The following COBLL1 variants were observed in gnomAD, a reference collection of about 807,000 sequenced individuals.
COBLL1 encodes the protein cordon-bleu protein-like 1.
In COBLL1, 50 loss-of-function variants were observed where a neutral mutation model predicts 94.8. The ratio of observed to expected loss-of-function variants is 0.53; its 90% CI spans 0.42 to 0.67. COBLL1 has a LOEUF of 0.67. COBLL1 is among the 30% of genes least tolerant of loss of function. The pLI is 0.00. For synonymous variants in COBLL1, 448 were observed against 473.8 expected (o/e 0.95, Z 0.71); for missense variants, 1,362 against 1,348.7 (o/e 1.01, Z -0.15).
chr2:164,725,134 A>ATATATATATATATATATATATATAT (rs1558956185), intron 5 of COBLL1: 10 of 55,372 alleles, frequency 1.8e-4, no homozygotes, highest in African/African-American at 7.0e-4. Flanking sequence ...ATATATATAT[A>ATATATATATATATATATATATATAT]AAATGAAAGC....
intron 2 of COBLL1, among the ~76,000 whole-genome samples, chr2:164,829,331 C>T (rs778476662): frequency 2.0e-5 from 3 of 152,144 alleles, no homozygotes; most frequent in Non-Finnish European, 2.9e-5. Context: ...TACAGTCCAG[C>T]ATTAACACAG....
At position 164,722,478 on chromosome 2, in the gene COBLL1, C is replaced by A; in HGVS notation, c.706G>T (p.Glu236Ter). 2 of 1,526,276 alleles carry A rather than the reference C, an allele frequency of 1.3e-6. No individual in the cohort carries two copies. The highest frequency in any genetic ancestry group is 2.3e-5 in the East Asian group (1 of 43,762). The allele number at this position is 1,526,276 out of a possible 1,614,324, so 94.5% of individuals were successfully genotyped here. A position where few individuals can be genotyped will look rare whatever the true frequency, so the allele number is the denominator to read the frequency against. ...AAAAAACTGAAAAACCCTTTATTTT[C>A]TTTCTCCTTCATAATATCTAGGTTT... The part of the protein sequence containing the change: ...SQNLDIMKEK[E>*]NKGFFSFFQR... Residue 236 changes from glutamate to a stop codon, truncating the protein, a stop_gained, in exon 6 of 14, where the codon GAA becomes TAA. Transcript: ENST00000652658. LOFTEE classifies it high-confidence loss of function.
chr2:164,789,384 T>G (rs547581565), intron 2 of COBLL1, among the ~76,000 whole-genome samples: 1 of 152,226 alleles, frequency 6.6e-6, no homozygotes, highest in South Asian at 2.1e-4. Flanking sequence ...GTAGTCAGAA[T>G]TTTTGTCATA....
At chr2:164,807,316 G>A (rs368360103) in intron 2 of COBLL1, among the ~76,000 whole-genome samples, 5 of 151,724 alleles carry the variant, frequency 3.3e-5, no homozygotes, top group Middle Eastern at 3.4e-3. Flanking sequence ...AGTCAGGCAC[G>A]GCAGTGGGCT....
Position 164,665,338 on chromosome 2 carries a change from A to AAAAAG in COBLL1, n.181+508_181+509insCTTTT, listed in dbSNP as rs1294217691. Among the ~76,000 whole-genome samples, 65 of 148,062 alleles carry AAAAAG rather than the reference A, an allele frequency of 4.4e-4. No homozygotes were observed. In the East Asian group the frequency reaches 4.4e-3, roughly 10 times the overall value. On this transcript the variant is annotated intron_variant and non_coding_transcript_variant, in intron 2 of 2. Transcript: ENST00000495084. ...AGAGCAAGATTCTGTGTCAAAAAAA[A>AAAAAG]AAAGAAAGAAAGAAAGAAAGAAAGA...
intron 7 of COBLL1, among the ~76,000 whole-genome samples, chr2:164,710,727 C>G (rs1244135426): frequency 6.6e-6 from 1 of 151,960 alleles, no homozygotes; most frequent in Admixed American, 6.6e-5. Flanking sequence ...CCATGCCTGG[C>G]TAATTTTTTG....
At chr2:164,687,318 C>T (rs1683350770) in intron 13 of COBLL1, 1 of 651,156 alleles carries the variant, frequency 1.5e-6, no homozygotes, top group Non-Finnish European at 2.8e-6. Flanking sequence ...GTCCACAGGG[C>T]CACAACTGGG....
rs1683061327 is a variant in COBLL1 at position 164,681,939 on chromosome 2, A to G, written c.*4007T>C. On this transcript the variant is annotated 3_prime_UTR_variant, in exon 14 of 14. Transcript: ENST00000652658. ...TGTATCTATATGAACAGTCTAACAT[A>G]TTAAGGATGGAAATTTGCAGGAAAG... 6.6e-6 allele frequency: 1 copy of G among 152,196 alleles called. No individual in the cohort carries two copies. The highest frequency in any genetic ancestry group is 2.4e-5 in the African/African-American group (1 of 41,446). 9.4% of individuals were successfully genotyped at this position (152,196 alleles called of 1,614,324 possible). A position where few individuals can be genotyped will look rare whatever the true frequency, so the allele number is the denominator to read the frequency against.
chr2:164,754,811 T>C (rs899100360), intron 2 of COBLL1, among the ~76,000 whole-genome samples: 1 of 152,200 alleles, frequency 6.6e-6, no homozygotes, highest in African/African-American at 2.4e-5. Context: ...TTTTGTTCAA[T>C]AATTAGCTAT....
chr2:164,732,087 CA>C (rs1316007360), intron 3 of COBLL1, among the ~76,000 whole-genome samples: 13 of 152,282 alleles, frequency 8.5e-5, no homozygotes, highest in African/African-American at 3.1e-4. Context: ...GTATGTTTCT[CA>C]ACGGTCCCTC....
intron 2 of COBLL1, among the ~76,000 whole-genome samples, chr2:164,781,571 C>T (rs867691577): frequency 6.6e-6 from 1 of 152,132 alleles, no homozygotes. Flanking sequence ...GGATACTTTA[C>T]AAGATACTTC....
intron 2 of COBLL1, among the ~76,000 whole-genome samples, chr2:164,776,567 G>T (rs1688471540): frequency 6.6e-6 from 1 of 150,778 alleles, no homozygotes; most frequent in Admixed American, 6.6e-5. Context: ...ATTTATCACT[G>T]TTTTTTTTTA....
At chr2:164,825,523 T>C (rs1026949954) in intron 2 of COBLL1, among the ~76,000 whole-genome samples, 4 of 152,304 alleles carry the variant, frequency 2.6e-5, no homozygotes, top group East Asian at 3.9e-4. Context: ...ATGGAAATTA[T>C]AGAACAAAAT....
intron 2 of COBLL1, among the ~76,000 whole-genome samples, chr2:164,832,992 G>A (rs1042555409): frequency 6.6e-6 from 1 of 151,954 alleles, no homozygotes; most frequent in African/African-American, 2.4e-5. Context: ...GTGGTGAGCC[G>A]AGATAGCGCC....
chr2:164,708,091 C>G (rs1462058034), intron 7 of COBLL1, among the ~76,000 whole-genome samples: 1 of 152,118 alleles, frequency 6.6e-6, no homozygotes, highest in Non-Finnish European at 1.5e-5. Context: ...CATAAACCCA[C>G]TAACTGTGCC....
chr2:164,785,926 T>C (rs1019297043), intron 2 of COBLL1, among the ~76,000 whole-genome samples: 14 of 151,626 alleles, frequency 9.2e-5, no homozygotes, highest in Non-Finnish European at 2.1e-4. Context: ...AGGTAGATTT[T>C]TTTTTTTTTA....
chr2:164,730,170 T>G, intron 3 of COBLL1, 55 bp from the exon 4 acceptor site: 1 of 1,443,952 alleles, frequency 6.9e-7, no homozygotes. Flanking sequence ...TTTCTTAGAA[T>G]GCTTGTCTTC....
At chr2:164,792,629 CCAAT>C (rs1559021035) in intron 2 of COBLL1, among the ~76,000 whole-genome samples, 1 of 152,096 alleles carries the variant, frequency 6.6e-6, no homozygotes, top group Non-Finnish European at 1.5e-5. Flanking sequence ...TTGAGTAGTA[CCAAT>C]CAAATAGTGT....
intron 2 of COBLL1, among the ~76,000 whole-genome samples, chr2:164,787,137 G>A (rs355907): frequency 0.54 from 81,427 of 151,890 alleles, 23,791 homozygotes; most frequent in African/African-American, 0.78. Context: ...TCTGGCTAAT[G>A]GTAAGCTTAT....
Sources: gnomAD v4.1 joint callset for allele counts (sites outside exome capture counted in the v4.1 genomes callset) on GRCh38, gnomAD v4.1.1 for gene constraint, MANE v1.5 for transcripts, NCBI Gene and HGNC (gene_info 2026-07-23, HGNC 2026-07-21) for gene names.